Variants in SVIL observed in about 807,000 individuals in gnomAD.
SVIL encodes archvillin.
A neutral mutation model predicts 240.4 loss-of-function variants in SVIL; 101 were observed. The ratio of observed to expected loss-of-function variants is 0.42; its 90% CI spans 0.36 to 0.50. The LOEUF (loss-of-function observed/expected upper bound fraction) is 0.50, where lower values mean the gene tolerates loss of function less well. Among genes scored for constraint, SVIL ranks in the 20% least tolerant of loss-of-function variants. SVIL has a pLI of 0.01. For missense variants in SVIL, 2,512 were observed against 2,818.7 expected (o/e 0.89, Z 2.46); for synonymous variants, 999 against 1,100.0 (o/e 0.91, Z 1.82).
chr10:29,479,866 G>A (rs114072795), intron 29 of SVIL, among the ~76,000 whole-genome samples: 10,192 of 152,206 alleles, frequency 0.067, 379 homozygotes, highest in South Asian at 0.094. Flanking sequence ...GGTGAGCAGC[G>A]CTGTGGAAAA....
chr10:29,632,606 A>G (rs750170593), intron 1 of SVIL, among the ~76,000 whole-genome samples: 2 of 152,230 alleles, frequency 1.3e-5, no homozygotes, highest in African/African-American at 4.8e-5. Context: ...ATCACAAAAC[A>G]GTCTGTCTCC....
intron 6 of SVIL, among the ~76,000 whole-genome samples, chr10:29,548,881 G>A (rs967040572): frequency 2.6e-5 from 4 of 152,230 alleles, no homozygotes; most frequent in Admixed American, 2.0e-4. Flanking sequence ...GGGTCCTGAA[G>A]TGAGGAGTCC....
Position 29,527,786 on chromosome 10 carries a change from C to T in SVIL, c.2247-730G>A, listed in dbSNP as rs553846919. 4.0e-4 allele frequency among the ~76,000 whole-genome samples: 56 copies of T among 138,610 alleles called. No homozygotes were observed. In the Admixed American group the frequency reaches 4.1e-3, roughly 10 times the overall value. 90.9% of individuals were successfully genotyped at this position (138,610 alleles called of 152,430 possible). A position where few individuals can be genotyped will look rare whatever the true frequency, so the allele number is the denominator to read the frequency against. On this transcript the variant is annotated intron_variant, in intron 12 of 37. Transcript: ENST00000355867. The stretch of plus-strand genomic sequence containing the variant: ...TGTCGCCCAGGCTGGAATGCAGTGG[C>T]GCGATCTCGGCTCACTGCAGCCTCC...
At chr10:29,692,150 G>C (rs1961557727) in intron 1 of SVIL, among the ~76,000 whole-genome samples, 2 of 152,156 alleles carry the variant, frequency 1.3e-5, no homozygotes, top group South Asian at 2.1e-4. Context: ...TCGTGAACTT[G>C]GTTTCTTGTT....
chr10:29,576,148 A>T (rs1955685469), intron 1 of SVIL: 1 of 984,732 alleles, frequency 1.0e-6, no homozygotes, highest in South Asian at 4.7e-5. Flanking sequence ...ATGAAAGTGT[A>T]TGCTGTGAAC....
intron 1 of SVIL, among the ~76,000 whole-genome samples, chr10:29,696,032 G>A (rs1309656618): frequency 1.3e-5 from 2 of 150,318 alleles, no homozygotes; most frequent in African/African-American, 2.5e-5. Context: ...CTGCCATCTC[G>A]GCTCTCTGCA....
chr10:29,649,351 A>G (rs1958766404), intron 3 of SVIL, among the ~76,000 whole-genome samples: 1 of 152,180 alleles, frequency 6.6e-6, no homozygotes, highest in African/African-American at 2.4e-5. Context: ...ATACTGAACA[A>G]TTCTTTCTTC....
chr10:29,604,839 G>A (rs1410545343), intron 1 of SVIL, among the ~76,000 whole-genome samples: 1 of 152,034 alleles, frequency 6.6e-6, no homozygotes, highest in Non-Finnish European at 1.5e-5. Flanking sequence ...AAAATGCTGG[G>A]GTTATAGCCC....
intron 1 of SVIL, among the ~76,000 whole-genome samples, chr10:29,587,530 A>G (rs1303451907): frequency 6.6e-6 from 1 of 152,226 alleles, no homozygotes; most frequent in Non-Finnish European, 1.5e-5. Flanking sequence ...CTCCATTTAC[A>G]TAATAATAGA....
At chr10:29,645,806 G>C (rs192089297) in intron 3 of SVIL, among the ~76,000 whole-genome samples, 22 of 152,338 alleles carry the variant, frequency 1.4e-4, no homozygotes, top group Admixed American at 1.4e-3. Context: ...TCATTAGCAA[G>C]TACAAGTAAT....
At chr10:29,490,609 C>G (rs1235828391) in intron 22 of SVIL, among the ~76,000 whole-genome samples, 2 of 145,140 alleles carry the variant, frequency 1.4e-5, no homozygotes, top group Non-Finnish European at 3.1e-5. Context: ...AAAAACCAAA[C>G]CCCAGTATAA....
Position 29,516,990 on chromosome 10 carries a change from C to T in SVIL, c.3390-4129G>A, listed in dbSNP as rs150238298. Among the ~76,000 whole-genome samples the T allele has an allele frequency of 4.6e-5, 7 of 152,282 alleles. No individual in the cohort carries two copies. The East Asian group carries it at 1.3e-3, about 29-fold the overall frequency. On this transcript the variant is annotated intron_variant, in intron 16 of 37. Coordinates refer to ENST00000355867, the MANE Select transcript of SVIL (RefSeq NM_021738.3). ...CCTTCATTTTAGAGAATTACAGGCA[C>T]CCCATAGATCTCTGATAGGGATGAA...
chr10:29,703,519 TCAGCTGGTTCTCCAGATGCACGCCAG>T (rs1380539596), intron 1 of SVIL, among the ~76,000 whole-genome samples: 8 of 152,184 alleles, frequency 5.3e-5, no homozygotes, highest in Non-Finnish European at 1.2e-4. Flanking sequence ...AGGCCTTCTG[TCAGCTGGTTCTCCAGATGCACGCCAG>T]CAGCCCCTGT....
intron 26 of SVIL, among the ~76,000 whole-genome samples, chr10:29,485,225 C>T (rs1427329940): frequency 6.6e-6 from 1 of 151,458 alleles, no homozygotes; most frequent in Admixed American, 6.6e-5. Context: ...CTTCATATAC[C>T]GCAGGCACTC....
At position 29,533,388 on chromosome 10, in the gene SVIL, C is replaced by T. The variant is rs779200901; in HGVS notation, c.979G>A (p.Val327Ile). 2.2e-5 allele frequency: 35 copies of T among 1,614,042 alleles called. No homozygotes were observed. Among genetic ancestry groups the T allele is most frequent in the African/African-American group, 4.0e-5 (3 of 74,914 alleles). The change falls in exon 8 of 38, where the codon GTA becomes ATA. Residue 327 changes from valine (V) to isoleucine (I), a missense_variant. Around this residue, in one of 3 missense-constraint regions of SVIL, gnomAD observed 1,443 missense variants for 1,486.6 expected, o/e 0.97. Coordinates refer to ENST00000355867, the MANE Select transcript of SVIL (RefSeq NM_021738.3). ...GCTGGCTGGTGTCTCCTCTGAGTTACGGACTCTGAGGCGAGTTCAGGGCTG... is the reference window on the plus strand; with the variant it reads ...GCTGGCTGGTGTCTCCTCTGAGTTATGGACTCTGAGGCGAGTTCAGGGCTG... ...RNSPELASES[V>I]TQRRHQPAPV...
At chr10:29,626,937 T>C (rs1294426051) in intron 1 of SVIL, among the ~76,000 whole-genome samples, 1 of 152,064 alleles carries the variant, frequency 6.6e-6, no homozygotes, top group Admixed American at 6.6e-5. Flanking sequence ...GGCAGGAGAA[T>C]GGTGTGAACC....
chr10:29,520,532 A>G (rs1950493107), intron 16 of SVIL, among the ~76,000 whole-genome samples: 1 of 152,204 alleles, frequency 6.6e-6, no homozygotes, highest in African/African-American at 2.4e-5. Context: ...AGTAAGTCAG[A>G]TTTAACAATG....
chr10:29,708,774 C>T (rs1005768640), intron 1 of SVIL, among the ~76,000 whole-genome samples: 5 of 152,040 alleles, frequency 3.3e-5, no homozygotes, highest in African/African-American at 1.2e-4. Context: ...GGGTGGAGCT[C>T]ACTGGAGCTC....
chr10:29,553,711 A>G (rs1259043941), intron 5 of SVIL, among the ~76,000 whole-genome samples: 2 of 152,246 alleles, frequency 1.3e-5, no homozygotes, highest in African/African-American at 4.8e-5. Context: ...ATATTTGATG[A>G]CAACAATGAC....
Sources: allele counts gnomAD v4.1 joint callset (sites outside exome capture counted in the v4.1 genomes callset), GRCh38; gene constraint gnomAD v4.1.1; regional missense constraint gnomAD v4.1.1; transcripts MANE v1.5; gene names NCBI Gene and HGNC (gene_info 2026-07-23, HGNC 2026-07-21).